Variants in DNAH14 observed in about 807,000 individuals in gnomAD.
The protein encoded by DNAH14 is axonemal beta dynein heavy chain 14.
DNAH14 carries 478 observed loss-of-function variants against 520.9 expected under a neutral mutation model. That is an observed-to-expected ratio of 0.92 (90% CI 0.85 to 0.99). DNAH14 has a LOEUF of 0.99. Ranked by LOEUF, DNAH14 falls within the 50% of genes least tolerant of loss-of-function variation. The pLI is 0.00. For missense variants in DNAH14, 4,831 were observed against 5,234.5 expected (o/e 0.92, Z 2.38); for synonymous variants, 1,581 against 1,757.2 (o/e 0.90, Z 2.51).
In DNAH14 at chr1:225,297,434, G is replaced by A. The variant is rs774557129; in HGVS notation, c.8470-3435G>A. 5.3e-5 allele frequency among the ~76,000 whole-genome samples: 8 copies of A among 151,900 alleles called. 1 individual carries two copies. The highest frequency in any genetic ancestry group is 1.0e-4 in the Non-Finnish European group (7 of 67,968). ...TTGGAGATTTCATGTTTCCTTGCTT[G>A]TTCATGTTTGATGTGTCCCTTCATT... is the stretch of plus-strand genomic sequence containing the variant. On this transcript the variant is annotated intron_variant, in intron 55 of 85. Coordinates refer to ENST00000682510, the MANE Select transcript of DNAH14 (RefSeq NM_001367479.1).
chr1:225,021,539 C>A (rs917447853), intron 10 of DNAH14, among the ~76,000 whole-genome samples: 1 of 151,894 alleles, frequency 6.6e-6, no homozygotes, highest in African/African-American at 2.4e-5. Flanking sequence ...TCACAATAGC[C>A]ACAATAAGAA....
intron 31 of DNAH14, among the ~76,000 whole-genome samples, chr1:225,149,233 G>A (rs2080246544): frequency 6.6e-6 from 1 of 152,132 alleles, no homozygotes; most frequent in African/African-American, 2.4e-5. Context: ...TCAGATGGTT[G>A]TATGTGTGCA....
In DNAH14 at chr1:225,103,130, C is replaced by A. The variant is rs2075672419; in HGVS notation, c.3867+2246C>A. On this transcript the variant is annotated intron_variant, in intron 23 of 85. Transcript: ENST00000682510. The stretch of plus-strand genomic sequence containing the variant: ...TATGGCTAGCCAGTTTTCCCAGCAC[C>A]ATTTATTAAATAGGGAATACTTTCC... 2.6e-5 allele frequency among the ~76,000 whole-genome samples: 4 copies of A among 152,232 alleles called. No individual in the cohort carries two copies. The Middle Eastern group carries it at 0.01, about 388-fold the overall frequency.
At chr1:225,036,755 T>C (rs1266401409) in intron 11 of DNAH14, among the ~76,000 whole-genome samples, 2 of 152,222 alleles carry the variant, frequency 1.3e-5, no homozygotes, top group African/African-American at 4.8e-5. Context: ...TACTGTCTGC[T>C]CTTTCTGGCT....
intron 27 of DNAH14, among the ~76,000 whole-genome samples, chr1:225,133,071 T>C (rs1284752992): frequency 6.6e-6 from 1 of 152,138 alleles, no homozygotes; most frequent in Non-Finnish European, 1.5e-5. Flanking sequence ...TTAATGGAGT[T>C]TTTTTTCTCT....
At chr1:224,945,578 G>A (rs1389865927) in intron 1 of DNAH14, among the ~76,000 whole-genome samples, 6 of 152,322 alleles carry the variant, frequency 3.9e-5, no homozygotes, top group African/African-American at 1.4e-4. Context: ...GATTTCTAGA[G>A]TTTCCAGTTT....
At chr1:225,148,635 T>C (rs890074571) in intron 31 of DNAH14, among the ~76,000 whole-genome samples, 1 of 151,944 alleles carries the variant, frequency 6.6e-6, no homozygotes, top group Non-Finnish European at 1.5e-5. Flanking sequence ...CTCCTGACCT[T>C]GTGATGTGCC....
intron 60 of DNAH14, among the ~76,000 whole-genome samples, chr1:225,310,383 G>A (rs2094338960): frequency 6.6e-6 from 1 of 152,118 alleles, no homozygotes; most frequent in African/African-American, 2.4e-5. Flanking sequence ...AATTTTTAAA[G>A]CTGACAATTA....
At chr1:225,282,802 A>G (rs1389834492) in intron 54 of DNAH14, among the ~76,000 whole-genome samples, 1 of 152,200 alleles carries the variant, frequency 6.6e-6, no homozygotes, top group East Asian at 1.9e-4. Flanking sequence ...CTGGTTGATC[A>G]ACTTTTCATT....
At chr1:225,365,303 T>A (rs2095539003) in intron 76 of DNAH14, among the ~76,000 whole-genome samples, 1 of 152,200 alleles carries the variant, frequency 6.6e-6, no homozygotes, top group African/African-American at 2.4e-5. Flanking sequence ...AAAGATTATC[T>A]GGGACTTCTC....
chr1:224,977,267 C>G (rs1398220544), intron 8 of DNAH14, among the ~76,000 whole-genome samples: 1 of 144,074 alleles, frequency 6.9e-6, no homozygotes, highest in African/African-American at 2.6e-5. Context: ...TGTTCTCACT[C>G]ATAGGTGGGA....
chr1:225,357,060 A>C (rs1035500697), intron 73 of DNAH14, among the ~76,000 whole-genome samples: 1 of 152,172 alleles, frequency 6.6e-6, no homozygotes, highest in Non-Finnish European at 1.5e-5. Flanking sequence ...TTAAGTTAAA[A>C]TATATTAGAA....
chr1:225,038,955 C>G, intron 12 of DNAH14, 132 bp downstream of exon 12: 1 of 713,220 alleles, frequency 1.4e-6, no homozygotes, highest in Non-Finnish European at 2.2e-6. Flanking sequence ...CACACACACA[C>G]ACTTAGCTGC....
chr1:225,388,615 G>A, intron 82 of DNAH14, 124 bp downstream of exon 82: 1 of 545,864 alleles, frequency 1.8e-6, no homozygotes, highest in Non-Finnish European at 3.2e-6. Flanking sequence ...AAGCAAGGGA[G>A]GGATTCTTAT....
chr1:225,120,294 G>A (rs2077186095), intron 26 of DNAH14, among the ~76,000 whole-genome samples: 1 of 152,166 alleles, frequency 6.6e-6, no homozygotes, highest in Admixed American at 6.5e-5. Flanking sequence ...TACCAGACTG[G>A]GTGGTGTCAG....
rs2095782558 is a variant in DNAH14, at chr1:225,381,459, T to TA, written c.12957_12958insA (p.Val4320SerfsTer4). The TA allele has an allele frequency of 6.4e-7, 1 of 1,550,540 alleles. No individual in the cohort carries two copies. The highest frequency in any genetic ancestry group is 8.7e-7 in the Non-Finnish European group (1 of 1,146,728). On this transcript the variant is annotated frameshift_variant, in exon 81 of 86. Coordinates refer to ENST00000682510, the MANE Select transcript of DNAH14 (RefSeq NM_001367479.1). LOFTEE classifies it high-confidence loss of function. Reference sequence around the variant, plus strand: ...TTAAACGATTTGATAAGTTATTATTTGTCATACATAAATCCTTAAAAGATC... The same window carrying TA: ...TTAAACGATTTGATAAGTTATTATTTAGTCATACATAAATCCTTAAAAGATC...
At chr1:224,974,756 A>G (rs2061703373) in intron 8 of DNAH14, among the ~76,000 whole-genome samples, 1 of 152,064 alleles carries the variant, frequency 6.6e-6, no homozygotes, top group Non-Finnish European at 1.5e-5. Flanking sequence ...ACCTTTGGCA[A>G]CCACTAATCT....
intron 36 of DNAH14, 80 bp from the exon 37 acceptor site, chr1:225,185,209 AAT>A (rs2084543551): frequency 7.2e-7 from 1 of 1,387,888 alleles, no homozygotes; most frequent in African/African-American, 1.5e-5. Context: ...CAAAAAATAA[AAT>A]AGTCAATGGA....
At chr1:225,295,761 T>C (rs1320167681) in intron 55 of DNAH14, among the ~76,000 whole-genome samples, 1 of 152,236 alleles carries the variant, frequency 6.6e-6, no homozygotes, top group African/African-American at 2.4e-5. Context: ...GTCTGTTAGG[T>C]CCACTTGGTC....
Sources: allele counts gnomAD v4.1 joint callset (sites outside exome capture counted in the v4.1 genomes callset), GRCh38; gene constraint gnomAD v4.1.1; transcripts MANE v1.5; gene names NCBI Gene and HGNC (gene_info 2026-07-23, HGNC 2026-07-21).